Variants in TRPC7 observed in about 807,000 individuals in gnomAD.
The protein encoded by TRPC7 is transient receptor potential cation channel subfamily C member 7, also known as short transient receptor potential channel 7.
A neutral mutation model predicts 90.1 loss-of-function variants in TRPC7; 42 were observed. The ratio of observed to expected loss-of-function variants is 0.47; its 90% CI spans 0.36 to 0.60. TRPC7 has a LOEUF of 0.60. TRPC7 is among the 20% of genes least tolerant of loss of function. TRPC7 has a pLI of 0.00. For missense variants in TRPC7, 955 were observed against 1,112.3 expected, an observed-to-expected ratio of 0.86 and a Z score of 2.01; for synonymous variants, 451 against 436.3, an observed-to-expected ratio of 1.03 and a Z score of -0.42.
rs1310743661 is a variant in TRPC7 at position 136,356,683 on chromosome 5, G to T, written c.705C>A (p.Ser235Arg). The change falls in exon 2 of 12, where the codon AGC (serine) becomes AGA (arginine). Residue 235 changes from serine (S) to arginine (R), a missense_variant. This residue lies in a region of TRPC7 where 484 missense variants were observed against 509.6 expected (regional missense o/e 0.95). Transcript: ENST00000513104. ...LASAAYLSLS[S>R]EDPVLTALEL... ...CCAGGGCGGTGAGGACAGGGTCTTC[G>T]CTGGACAGGGACAAGTAGGCAGCAC... The T allele has an allele frequency of 6.2e-7, 1 of 1,604,450 alleles. No homozygotes were observed. Among genetic ancestry groups the T allele is most frequent in the Non-Finnish European group, 8.5e-7 (1 of 1,174,686 alleles).
At chr5:136,237,299 G>A (rs1177521401) in intron 7 of TRPC7, among the ~76,000 whole-genome samples, 1 of 152,212 alleles carries the variant, frequency 6.6e-6, no homozygotes, top group Non-Finnish European at 1.5e-5. Context: ...ACTGGGATAT[G>A]TAAAGCCTGT....
chr5:136,222,439 TG>T (rs1755493164), intron 10 of TRPC7, among the ~76,000 whole-genome samples: 1 of 152,178 alleles, frequency 6.6e-6, no homozygotes, highest in Non-Finnish European at 1.5e-5. Flanking sequence ...GCCTAGGGCC[TG>T]GATTGTAAGA....
chr5:136,303,209 T>G (rs188138469), intron 3 of TRPC7, among the ~76,000 whole-genome samples: 1 of 152,270 alleles, frequency 6.6e-6, no homozygotes, highest in East Asian at 1.9e-4. Flanking sequence ...TTTCATCAAA[T>G]ATAAAAATTC....
intron 10 of TRPC7, chr5:136,222,270 AC>A (rs1755484992): frequency 6.6e-6 from 1 of 152,240 alleles, no homozygotes; most frequent in African/African-American, 2.4e-5. Flanking sequence ...TGAAATGCTA[AC>A]AGTCGAGAAA....
intron 8 of TRPC7, 98 bp downstream of exon 8, chr5:136,231,256 A>AACAAC: frequency 8.9e-7 from 1 of 1,117,326 alleles, no homozygotes; most frequent in South Asian, 1.8e-5. Context: ...CTGCACATTT[A>AACAAC]ACAACACATG....
intron 7 of TRPC7, among the ~76,000 whole-genome samples, chr5:136,236,684 G>A (rs555602368): frequency 4.9e-4 from 74 of 152,270 alleles, no homozygotes; most frequent in African/African-American, 1.6e-3. Flanking sequence ...GGTCTGTCTC[G>A]GCTGGATAAC....
chr5:136,356,103 A>G (rs1381223184), intron 2 of TRPC7, among the ~76,000 whole-genome samples: 1 of 152,224 alleles, frequency 6.6e-6, no homozygotes, highest in Non-Finnish European at 1.5e-5. Flanking sequence ...AATGGCAAGA[A>G]CTTCCCAGGT....
At chr5:136,236,378 A>G (rs893405694) in intron 7 of TRPC7, among the ~76,000 whole-genome samples, 3 of 152,222 alleles carry the variant, frequency 2.0e-5, no homozygotes, top group Admixed American at 6.5e-5. Flanking sequence ...TTTTTCTTCT[A>G]ATCTTCAAAG....
chr5:136,332,409 G>A (rs1200958123), intron 2 of TRPC7, among the ~76,000 whole-genome samples: 1 of 152,104 alleles, frequency 6.6e-6, no homozygotes, highest in African/African-American at 2.4e-5. Context: ...ACTGACTGGA[G>A]GGCTTCAAGG....
rs747518092 is a variant in TRPC7, at chr5:136,213,641, G to T, written c.2420-37C>A. The T allele has an allele frequency of 1.9e-6, 3 of 1,609,832 alleles. No individual in the cohort carries two copies. The African/African-American group carries it at 4.0e-5, about 22-fold the overall frequency. On this transcript the variant is annotated intron_variant, in intron 11 of 11. Coordinates refer to ENST00000513104, the MANE Select transcript of TRPC7 (RefSeq NM_020389.3). The stretch of plus-strand genomic sequence containing the variant: ...GAGGAGATTTTGCTGAGTCTGAGTA[G>T]GTGGAAGCTCGGGGCTTGTCCCATG...
At chr5:136,333,283 T>C (rs1422948898) in intron 2 of TRPC7, among the ~76,000 whole-genome samples, 1 of 127,298 alleles carries the variant, frequency 7.9e-6, no homozygotes, top group Non-Finnish European at 1.8e-5. Context: ...GCTAAGTCAG[T>C]GTTTCCCAGT....
At chr5:136,326,651 T>C (rs1759356490) in intron 2 of TRPC7, among the ~76,000 whole-genome samples, 2 of 152,192 alleles carry the variant, frequency 1.3e-5, no homozygotes, top group Admixed American at 1.3e-4. Flanking sequence ...TGGTCATAAA[T>C]TTAGAATGAG....
intron 4 of TRPC7, among the ~76,000 whole-genome samples, chr5:136,267,126 G>T (rs1256798297): frequency 6.6e-6 from 1 of 152,090 alleles, no homozygotes; most frequent in African/African-American, 2.4e-5. Context: ...ATTCATTGAG[G>T]TTTTCCTTTT....
At position 136,213,005 on chromosome 5, in the gene TRPC7, G is replaced by T. The variant is rs188663150; in HGVS notation, c.*430C>A. Among the ~76,000 whole-genome samples the T allele has an allele frequency of 1.6e-4, 24 of 151,054 alleles. No homozygotes were observed. Among genetic ancestry groups the T allele is most frequent in the African/African-American group, 5.2e-4 (21 of 40,442 alleles). On this transcript the variant is annotated 3_prime_UTR_variant, in exon 12 of 12. Coordinates refer to ENST00000513104, the MANE Select transcript of TRPC7 (RefSeq NM_020389.3). ...CTCCTGGTTCTGTTTGGATGTGTTG[G>T]GGGTGGCAGGGAGGGAGTGAGAAGG...
chr5:136,294,726 G>A lies in TRPC7; in HGVS notation c.964-19889C>T, dbSNP rs185496486. Among the ~76,000 whole-genome samples the A allele has an allele frequency of 1.1e-3, 166 of 152,286 alleles. 1 individual carries two copies. The highest frequency in any genetic ancestry group is 6.8e-3 in the Middle Eastern group (2 of 294). ...AACTAGTTCAACCATTGTGGAAGTCGGCATGGTGATTCCTCAGGGATCTAG... is the reference window on the plus strand; with the variant it reads ...AACTAGTTCAACCATTGTGGAAGTCAGCATGGTGATTCCTCAGGGATCTAG... On this transcript the variant is annotated intron_variant, in intron 3 of 11. Coordinates refer to ENST00000513104, the MANE Select transcript of TRPC7 (RefSeq NM_020389.3).
chr5:136,295,243 C>A (rs1437094682), intron 3 of TRPC7, among the ~76,000 whole-genome samples: 1 of 152,062 alleles, frequency 6.6e-6, no homozygotes, highest in Non-Finnish European at 1.5e-5. Flanking sequence ...ACATATGTAA[C>A]AAACCTGCAC....
intron 5 of TRPC7, among the ~76,000 whole-genome samples, chr5:136,252,951 C>A (rs143329774): frequency 1.8e-3 from 272 of 152,300 alleles, no homozygotes; most frequent in African/African-American, 6.4e-3. Context: ...TGATGAGTAT[C>A]CTTCTAGACC....
At chr5:136,316,186 TG>T in intron 2 of TRPC7, 1 of 168,526 alleles carries the variant, frequency 5.9e-6, no homozygotes, top group Non-Finnish European at 1.3e-5. Flanking sequence ...TCTTTCAAAA[TG>T]GCATTTTTCT....
intron 9 of TRPC7, among the ~76,000 whole-genome samples, 194 bp downstream of exon 9, chr5:136,225,840 G>T (rs1031597146): frequency 2.0e-5 from 3 of 152,074 alleles, no homozygotes; most frequent in Non-Finnish European, 4.4e-5. Context: ...GAGAAAGGAG[G>T]GTATCACAGT....
Sources: allele counts gnomAD v4.1 joint callset (sites outside exome capture counted in the v4.1 genomes callset), GRCh38; gene constraint gnomAD v4.1.1; regional missense constraint gnomAD v4.1.1; transcripts MANE v1.5; gene names NCBI Gene and HGNC (gene_info 2026-07-23, HGNC 2026-07-21).